The following TLN2 variants were observed in gnomAD, a reference collection of about 807,000 sequenced individuals.
TLN2 encodes the protein talin 2.
A neutral mutation model predicts 294.7 loss-of-function variants in TLN2; 118 were observed. The observed-to-expected ratio is 0.40, with a 90% CI of 0.34 to 0.47. The LOEUF (loss-of-function observed/expected upper bound fraction) is 0.47, where lower values mean the gene tolerates loss of function less well. TLN2 is among the 20% of genes least tolerant of loss of function. The pLI is 0.84. For synonymous variants in TLN2, 1,431 were observed against 1,304.5 expected (o/e 1.10, Z -2.09); for missense variants, 3,083 against 3,282.2 (o/e 0.94, Z 1.48).
Position 62,737,050 on chromosome 15 carries a change from A to G in TLN2, c.3531A>G (p.Ala1177=), listed in dbSNP as rs1444023830. 1.2e-6 allele frequency: 2 copies of G among 1,614,204 alleles called. No individual in the cohort carries two copies. The highest frequency in any genetic ancestry group is 1.7e-6 in the Non-Finnish European group (2 of 1,180,048). The change falls in exon 29 of 59, where the codon GCA becomes GCG. Residue 1177 remains alanine (A), a synonymous_variant. Coordinates refer to ENST00000636159, the MANE Select transcript of TLN2 (RefSeq NM_015059.3). ...LIQEAKQALI[A]PGDAERQQRL... Reference sequence around the variant, plus strand: ...AAGAGGCCAAGCAGGCCCTGATTGCACCTGGAGATGCAGAGCGTCAACAAA... The same window carrying G: ...AAGAGGCCAAGCAGGCCCTGATTGCGCCTGGAGATGCAGAGCGTCAACAAA...
chr15:62,825,818 A>ATATATATTATAT (rs377038608), intron 54 of TLN2, among the ~76,000 whole-genome samples: 6 of 74,490 alleles, frequency 8.1e-5, no homozygotes, highest in Non-Finnish European at 1.3e-4. Context: ...TTATATTATA[A>ATATATATTATAT]TATATATTAT....
At chr15:62,431,503 TAACGGTA>T (rs1216857837) in intron 1 of TLN2, among the ~76,000 whole-genome samples, 1 of 152,182 alleles carries the variant, frequency 6.6e-6, no homozygotes, top group East Asian at 1.9e-4. Flanking sequence ...CCGGAACAGG[TAACGGTA>T]AATGTGACCA....
At chr15:62,530,253 G>A (rs1431352189) in intron 1 of TLN2, among the ~76,000 whole-genome samples, 2 of 152,206 alleles carry the variant, frequency 1.3e-5, no homozygotes, top group South Asian at 2.1e-4. Context: ...TTGCATATTT[G>A]TGAATTTATA....
At chr15:62,838,486 G>A (rs536547630) in intron 57 of TLN2, among the ~76,000 whole-genome samples, 2 of 152,354 alleles carry the variant, frequency 1.3e-5, no homozygotes, top group South Asian at 4.1e-4. Flanking sequence ...TAAATCAGAT[G>A]GAGGCAGGCG....
intron 1 of TLN2, among the ~76,000 whole-genome samples, chr15:62,472,231 A>G (rs1402016414): frequency 2.0e-5 from 3 of 151,846 alleles, no homozygotes; most frequent in Non-Finnish European, 2.9e-5. Context: ...ACCCCTCCCC[A>G]CACCACCTAT....
intron 3 of TLN2, among the ~76,000 whole-genome samples, chr15:62,646,773 T>C (rs1487333838): frequency 6.6e-6 from 1 of 152,178 alleles, no homozygotes; most frequent in African/African-American, 2.4e-5. Context: ...GGGCCCAGAA[T>C]CCAAGGGTGG....
intron 14 of TLN2, among the ~76,000 whole-genome samples, chr15:62,695,880 G>A (rs8042804): frequency 0.096 from 14,553 of 152,240 alleles, 1,408 homozygotes; most frequent in African/African-American, 0.25. Context: ...TCCCATAGGA[G>A]CGGCCCAGTA....
At chr15:62,832,660 C>T (rs2069000062) in intron 54 of TLN2, 1 of 152,194 alleles carries the variant, frequency 6.6e-6, no homozygotes, top group Non-Finnish European at 1.5e-5. Context: ...CTCGGGTGTC[C>T]AGAGGACAGA....
chr15:62,612,137 G>A (rs2047969454), intron 2 of TLN2, among the ~76,000 whole-genome samples: 3 of 152,128 alleles, frequency 2.0e-5, no homozygotes, highest in Non-Finnish European at 4.4e-5. Context: ...GTGCTTTGCA[G>A]CCAGTATTAA....
intron 1 of TLN2, among the ~76,000 whole-genome samples, chr15:62,482,099 T>G (rs1230715680): frequency 1.3e-5 from 2 of 152,108 alleles, no homozygotes; most frequent in African/African-American, 4.8e-5. Flanking sequence ...GGCTATTTCT[T>G]TATATTAATT....
chr15:62,458,737 C>T (rs2036626653), intron 1 of TLN2, among the ~76,000 whole-genome samples: 1 of 151,986 alleles, frequency 6.6e-6, no homozygotes, highest in African/African-American at 2.4e-5. Flanking sequence ...CTGCTGCACT[C>T]CAACCTGGGC....
rs759677311 is a variant in TLN2, at chr15:62,727,126, G to A, written c.3295G>A (p.Ala1099Thr). Residue 1099 changes from alanine to threonine, a missense_variant, in exon 28 of 59, where the codon GCG becomes ACG. Physicochemically the swap from Ala to Thr is moderately conservative, Grantham distance 58 (BLOSUM62 0). Coordinates refer to ENST00000636159, the MANE Select transcript of TLN2 (RefSeq NM_015059.3). ...CAQDLGSTSK[A>T]VGSSMAQLLT... ...TCAGGACCTGGGAAGCACATCCAAGGCGGTGGGCTCCTCCATGGCACAGCT... is the reference window on the plus strand; with the variant it reads ...TCAGGACCTGGGAAGCACATCCAAGACGGTGGGCTCCTCCATGGCACAGCT... 4.3e-6 allele frequency: 7 copies of A among 1,614,178 alleles called. No homozygotes were observed. In the Admixed American group the frequency reaches 1.2e-4, roughly 27 times the overall value.
intron 32 of TLN2, among the ~76,000 whole-genome samples, chr15:62,747,514 G>C (rs1234121828): frequency 2.0e-5 from 3 of 152,084 alleles, no homozygotes; most frequent in Admixed American, 6.5e-5. Context: ...AAAATATTTT[G>C]TACATTTTTT....
intron 1 of TLN2, among the ~76,000 whole-genome samples, chr15:62,410,513 T>A (rs375922982): frequency 6.6e-6 from 1 of 152,232 alleles, no homozygotes; most frequent in African/African-American, 2.4e-5. Flanking sequence ...TTTTGTGAAT[T>A]AGTTTGCAAA....
At chr15:62,835,842 C>G in intron 56 of TLN2, 43 bp downstream of exon 56, 1 of 1,614,200 alleles carries the variant, frequency 6.2e-7, no homozygotes, top group Non-Finnish European at 8.5e-7. Flanking sequence ...TTTGGGGTCC[C>G]CTGAGGGAGG....
At chr15:62,444,341 C>T (rs2140309948) in intron 1 of TLN2, among the ~76,000 whole-genome samples, 1 of 152,344 alleles carries the variant, frequency 6.6e-6, no homozygotes, top group East Asian at 1.9e-4. Context: ...ACTTCATTCT[C>T]TGGATGCAGT....
At chr15:62,756,165 A>T (rs1252474221) in intron 37 of TLN2, among the ~76,000 whole-genome samples, 1 of 152,188 alleles carries the variant, frequency 6.6e-6, no homozygotes, top group South Asian at 2.1e-4. Flanking sequence ...ATCACTTAAA[A>T]CATTTTCATC....
At chr15:62,840,009 C>G (rs757753817) in intron 58 of TLN2, among the ~76,000 whole-genome samples, 22 of 152,166 alleles carry the variant, frequency 1.4e-4, no homozygotes, top group Non-Finnish European at 1.6e-4. Context: ...GTGAAATAAG[C>G]ATTTGAGGGC....
intron 1 of TLN2, among the ~76,000 whole-genome samples, chr15:62,413,419 C>T (rs1261550185): frequency 6.6e-6 from 1 of 152,148 alleles, no homozygotes; most frequent in African/African-American, 2.4e-5. Flanking sequence ...AGTTTTATTG[C>T]TAGTCCATCT....
Sources: allele counts gnomAD v4.1 joint callset (sites outside exome capture counted in the v4.1 genomes callset), GRCh38; gene constraint gnomAD v4.1.1; transcripts MANE v1.5; gene names NCBI Gene and HGNC (gene_info 2026-07-23, HGNC 2026-07-21).